The following KLHL3 variants were observed in gnomAD, a reference collection of about 807,000 sequenced individuals.
KLHL3 encodes the protein kelch-like protein 3.
Under a neutral mutation model 70.5 loss-of-function variants are expected in KLHL3, and 19 were observed. The ratio of observed to expected loss-of-function variants is 0.27; its 90% CI spans 0.19 to 0.40. The LOEUF (loss-of-function observed/expected upper bound fraction) is 0.40, where lower values mean the gene tolerates loss of function less well. Ranked by LOEUF, KLHL3 falls within the 10% of genes least tolerant of loss-of-function variation. The pLI, the probability that KLHL3 is intolerant of heterozygous loss-of-function variation, is 1.00. For synonymous variants in KLHL3, 258 were observed against 290.3 expected, an observed-to-expected ratio of 0.89 and a Z score of 1.13; for missense variants, 512 against 771.1, an observed-to-expected ratio of 0.66 and a Z score of 3.98.
chr5:137,724,352 A>T (rs1753052490), intron 1 of KLHL3, among the ~76,000 whole-genome samples: 1 of 152,178 alleles, frequency 6.6e-6, no homozygotes. Context: ...TTTTAGAAGC[A>T]CTGACACAAT....
intron 8 of KLHL3, among the ~76,000 whole-genome samples, chr5:137,652,855 TGTTA>T (rs1342655960): frequency 1.3e-5 from 2 of 152,238 alleles, no homozygotes; most frequent in Non-Finnish European, 2.9e-5. Context: ...GTAATACATA[TGTTA>T]ATTAGCTAAA....
chr5:137,686,761 A>C (rs1254324503), intron 5 of KLHL3, among the ~76,000 whole-genome samples: 2 of 152,258 alleles, frequency 1.3e-5, no homozygotes, highest in Non-Finnish European at 2.9e-5. Context: ...TCAAGGGAGT[A>C]AGCATGGATA....
At chr5:137,648,180 T>C (rs1751103466) in intron 8 of KLHL3, among the ~76,000 whole-genome samples, 1 of 152,178 alleles carries the variant, frequency 6.6e-6, no homozygotes, top group Non-Finnish European at 1.5e-5. Context: ...ATTATGGGGC[T>C]TTTTCAGGAC....
At chr5:137,661,784 G>A (rs992212077) in intron 7 of KLHL3, 131 bp downstream of exon 7, 2 of 625,504 alleles carry the variant, frequency 3.2e-6, no homozygotes, top group Non-Finnish European at 2.9e-6. Context: ...TTAACCCAGT[G>A]GGCTGGTTCC....
intron 1 of KLHL3, among the ~76,000 whole-genome samples, chr5:137,729,164 A>G (rs1310207407): frequency 6.6e-6 from 1 of 152,184 alleles, no homozygotes; most frequent in Non-Finnish European, 1.5e-5. Context: ...TACTGGCCAC[A>G]TACAAGAGGC....
At chr5:137,679,767 A>G (rs1751979418) in intron 5 of KLHL3, among the ~76,000 whole-genome samples, 1 of 152,178 alleles carries the variant, frequency 6.6e-6, no homozygotes, top group African/African-American at 2.4e-5. Flanking sequence ...TTCTCTGCCC[A>G]TCTGGAACCT....
intron 10 of KLHL3, among the ~76,000 whole-genome samples, chr5:137,638,345 T>C (rs1750821591): frequency 6.6e-6 from 1 of 152,102 alleles, no homozygotes; most frequent in African/African-American, 2.4e-5. Flanking sequence ...ATCATATTAG[T>C]TTAATAGAGC....
intron 5 of KLHL3, among the ~76,000 whole-genome samples, chr5:137,684,781 C>T (rs1752122847): frequency 6.6e-6 from 1 of 152,222 alleles, no homozygotes; most frequent in Non-Finnish European, 1.5e-5. Context: ...CACTGGGGTC[C>T]ATTTCCCAGC....
At chr5:137,646,730 C>A (rs1751055409) in intron 8 of KLHL3, among the ~76,000 whole-genome samples, 2 of 152,128 alleles carry the variant, frequency 1.3e-5, no homozygotes, top group African/African-American at 2.4e-5. Flanking sequence ...ACTCCTAAAC[C>A]CCAATATACT....
chr5:137,678,225 T>C (rs192658999), intron 5 of KLHL3, among the ~76,000 whole-genome samples: 1 of 152,220 alleles, frequency 6.6e-6, no homozygotes, highest in South Asian at 2.1e-4. Context: ...CCAGGTATAG[T>C]GGCAACAAGG....
intron 2 of KLHL3, among the ~76,000 whole-genome samples, chr5:137,719,538 CA>C (rs567463265): frequency 6.6e-6 from 1 of 152,204 alleles, no homozygotes; most frequent in Admixed American, 6.5e-5. Context: ...AGGCTTTGTA[CA>C]AAAAAACATG....
intron 1 of KLHL3, among the ~76,000 whole-genome samples, chr5:137,722,125 C>A (rs765394370): frequency 2.0e-5 from 3 of 152,200 alleles, no homozygotes; most frequent in Non-Finnish European, 2.9e-5. Context: ...GAGCCTCTAT[C>A]CATGCTACCA....
intron 3 of KLHL3, among the ~76,000 whole-genome samples, chr5:137,705,043 C>T (rs1752658868): frequency 6.6e-6 from 1 of 152,224 alleles, no homozygotes; most frequent in Admixed American, 6.5e-5. Context: ...ATCCCTGACT[C>T]CTCAGGGGCA....
At chr5:137,641,531 T>A (rs1215668098) in intron 8 of KLHL3, among the ~76,000 whole-genome samples, 1 of 152,216 alleles carries the variant, frequency 6.6e-6, no homozygotes, top group Non-Finnish European at 1.5e-5. Flanking sequence ...TTATGAATTA[T>A]CATAGTGCTT....
chr5:137,691,447 T>C (rs2149917108), intron 5 of KLHL3, among the ~76,000 whole-genome samples: 1 of 152,302 alleles, frequency 6.6e-6, no homozygotes, highest in East Asian at 1.9e-4. Flanking sequence ...GCACATATTA[T>C]TTTGATAAAT....
In KLHL3 at chr5:137,639,854, G is replaced by A. The variant is rs1750867730; in HGVS notation, c.1021+6C>T. 2 of 1,608,050 alleles carry A rather than the reference G, an allele frequency of 1.2e-6. No homozygotes were observed. The highest frequency in any genetic ancestry group is 1.3e-5 in the African/African-American group (1 of 74,840). On this transcript the variant is annotated splice_donor_region_variant and intron_variant, in intron 9 of 14. Transcript: ENST00000309755. This position sits in a 1 kb window ranked among gnomAD's most constrained non-coding sequence, Gnocchi z 5.0. ...AAACAGCTTGCAGAACTGGGAGGCTGCTCACCTGCTCTGCATCTTCTGGAA... is the reference window on the plus strand; with the variant it reads ...AAACAGCTTGCAGAACTGGGAGGCTACTCACCTGCTCTGCATCTTCTGGAA...
Position 137,709,807 on chromosome 5 carries a change from C to G in KLHL3, c.184G>C (p.Glu62Gln). The change falls in exon 3 of 15, where the codon GAA becomes CAA. Residue 62 changes from glutamate to glutamine, a missense_variant. Physicochemically the swap from Glu to Gln is conservative, Grantham distance 29. Transcript: ENST00000309755. ...VMIVAEDVEI[E>Q]AHRVVLAACS... ...GCTGCCAGGACCACACGGTGGGCTT[C>G]TATCTCGACATCTTCTGCCACAATC... 6.2e-7 allele frequency: 1 copy of G among 1,614,206 alleles called. No individual in the cohort carries two copies. The highest frequency in any genetic ancestry group is 8.5e-7 in the Non-Finnish European group (1 of 1,180,048).
intron 2 of KLHL3, among the ~76,000 whole-genome samples, chr5:137,715,323 G>A (rs1053154231): frequency 6.6e-6 from 1 of 152,192 alleles, no homozygotes; most frequent in African/African-American, 2.4e-5. Flanking sequence ...AGCAATGCAA[G>A]AAATAATCCC....
At chr5:137,717,021 C>T (rs891938886) in intron 2 of KLHL3, among the ~76,000 whole-genome samples, 5 of 152,222 alleles carry the variant, frequency 3.3e-5, no homozygotes, top group Non-Finnish European at 5.9e-5. Context: ...TTTTAATTTA[C>T]GTTCTCACCC....
Sources: allele counts gnomAD v4.1 joint callset (sites outside exome capture counted in the v4.1 genomes callset), GRCh38; gene constraint gnomAD v4.1.1; non-coding constraint Gnocchi (gnomAD v3.1); transcripts MANE v1.5; gene names NCBI Gene and HGNC (gene_info 2026-07-23, HGNC 2026-07-21).